CAMTA1: variants seen among roughly 807,000 people sequenced by gnomAD.
CAMTA1 encodes calmodulin binding transcription activator 1.
A neutral mutation model predicts 170.9 loss-of-function variants in CAMTA1; 27 were observed. The ratio of observed to expected loss-of-function variants is 0.16; its 90% CI spans 0.12 to 0.22. The LOEUF is 0.22. Ranked by LOEUF, CAMTA1 falls within the 10% of genes least tolerant of loss-of-function variation. The pLI is 1.00. For synonymous variants in CAMTA1, 833 were observed against 891.5 expected, an observed-to-expected ratio of 0.93 and a Z score of 1.17; for missense variants, 1,619 against 2,217.2, an observed-to-expected ratio of 0.73 and a Z score of 5.42.
chr1:6,972,048 G>A (rs1365268725), intron 3 of CAMTA1, among the ~76,000 whole-genome samples: 2 of 152,168 alleles, frequency 1.3e-5, no homozygotes, highest in African/African-American at 4.8e-5. Flanking sequence ...GGAGGGGCGG[G>A]GGTAGAGTGA....
At chr1:6,834,172 C>A (rs1557658726) in intron 3 of CAMTA1, among the ~76,000 whole-genome samples, 1 of 146,496 alleles carries the variant, frequency 6.8e-6, no homozygotes, top group East Asian at 2.0e-4. Context: ...TTTTTTTTTA[C>A]TGTTAATCAT....
chr1:7,144,197 C>T lies in CAMTA1; in HGVS notation c.302+52826C>T, dbSNP rs375274781. 2.8e-4 allele frequency among the ~76,000 whole-genome samples: 43 copies of T among 152,126 alleles called. 1 individual carries two copies. The East Asian group carries it at 4.2e-3, about 15-fold the overall frequency. On this transcript the variant is annotated intron_variant, in intron 4 of 22. Coordinates refer to ENST00000303635, the MANE Select transcript of CAMTA1 (RefSeq NM_015215.4). This position sits in a 1 kb window ranked among gnomAD's most constrained non-coding sequence, Gnocchi z 4.0. ...GAGGGCTCTCTTTCTGGCTTGTGGA[C>T]GACTGCCTTCTTGCTATGTCCTCAG...
At chr1:7,702,332 AAAAC>A (rs574074910) in intron 11 of CAMTA1, among the ~76,000 whole-genome samples, 32 of 152,250 alleles carry the variant, frequency 2.1e-4, no homozygotes, top group Middle Eastern at 3.4e-3. Flanking sequence ...TGTGTCTGCC[AAAAC>A]AAACAAACAA....
intron 6 of CAMTA1, among the ~76,000 whole-genome samples, chr1:7,631,173 C>G (rs992116403): frequency 6.6e-6 from 1 of 152,168 alleles, no homozygotes; most frequent in East Asian, 1.9e-4. Context: ...TACAGACCAG[C>G]CAGGAGCCTT....
intron 1 of CAMTA1, among the ~76,000 whole-genome samples, chr1:6,804,693 A>G (rs1644309022): frequency 6.6e-6 from 1 of 152,090 alleles, no homozygotes; most frequent in Non-Finnish European, 1.5e-5. Flanking sequence ...ATGTACTGTT[A>G]CTTCATCCCT....
At chr1:7,696,219 C>T (rs1040997938) in intron 11 of CAMTA1, among the ~76,000 whole-genome samples, 6 of 152,178 alleles carry the variant, frequency 3.9e-5, no homozygotes, top group Middle Eastern at 3.4e-3. Context: ...TTTTTTGATA[C>T]GGAGTCTCAC....
In CAMTA1 at chr1:7,270,010, T is replaced by C. The variant is rs187173039; in HGVS notation, c.438+20384T>C. 3.9e-5 allele frequency among the ~76,000 whole-genome samples: 6 copies of C among 152,130 alleles called. No homozygotes were observed. In the East Asian group the frequency reaches 9.6e-4, roughly 24 times the overall value. On this transcript the variant is annotated intron_variant, in intron 5 of 22. Coordinates refer to ENST00000303635, the MANE Select transcript of CAMTA1 (RefSeq NM_015215.4). ...ACCACTGATTTCTCATTACAAACAT[T>C]GCAAGCTGGAAGACAATGCAACATC...
intron 5 of CAMTA1, among the ~76,000 whole-genome samples, chr1:7,313,682 T>C (rs1322873087): frequency 1.3e-5 from 2 of 152,230 alleles, no homozygotes; most frequent in African/African-American, 2.4e-5. Flanking sequence ...AGTCAGAGTT[T>C]GGGTATATTT....
At chr1:7,116,451 C>T (rs1644331973) in intron 4 of CAMTA1, among the ~76,000 whole-genome samples, 1 of 152,124 alleles carries the variant, frequency 6.6e-6, no homozygotes, top group Non-Finnish European at 1.5e-5. Context: ...CCTACAACTT[C>T]TCATTTAGAT....
chr1:7,246,669 G>GTTTTTTT (rs1328801991), intron 4 of CAMTA1, among the ~76,000 whole-genome samples: 1 of 64,302 alleles, frequency 1.6e-5, no homozygotes, highest in African/African-American at 6.3e-5. Flanking sequence ...GCTCTGACCT[G>GTTTTTTT]CTTTTTTTTT....
At chr1:6,786,323 G>A (rs1639345433) in intron 1 of CAMTA1, among the ~76,000 whole-genome samples, 1 of 151,938 alleles carries the variant, frequency 6.6e-6, no homozygotes, top group Admixed American at 6.5e-5. Context: ...TCCTACTCTT[G>A]CCCTTGCACC....
chr1:7,155,119 A>T (rs1257556928), intron 4 of CAMTA1, among the ~76,000 whole-genome samples: 2 of 152,130 alleles, frequency 1.3e-5, no homozygotes, highest in Non-Finnish European at 2.9e-5. Flanking sequence ...ACGGAACAGG[A>T]TGGTGGCAGA....
At chr1:7,744,112 C>G (rs2096839031) in intron 16 of CAMTA1, among the ~76,000 whole-genome samples, 1 of 141,536 alleles carries the variant, frequency 7.1e-6, no homozygotes, top group African/African-American at 2.6e-5. Flanking sequence ...CAGGCGTGAG[C>G]CACTGCGCCT....
chr1:6,825,290 G>A lies in CAMTA1; in HGVS notation c.234+80G>A, dbSNP rs1034513528. 4 of 671,924 alleles carry A rather than the reference G, an allele frequency of 6.0e-6. No individual in the cohort carries two copies. The African/African-American group carries it at 7.3e-5, about 12-fold the overall frequency. The allele number at this position is 671,924 out of a possible 1,614,324, so 41.6% of individuals were successfully genotyped here. A position where few individuals can be genotyped will look rare whatever the true frequency, so the allele number is the denominator to read the frequency against. On this transcript the variant is annotated intron_variant, in intron 3 of 22. Transcript: ENST00000303635. Reference sequence around the variant, plus strand: ...GTTGCTTCACATAGTCCTACTTTATGTTAGCTTTAAATTTAAAATACTGAT... The same window carrying A: ...GTTGCTTCACATAGTCCTACTTTATATTAGCTTTAAATTTAAAATACTGAT...
chr1:7,174,957 C>A (rs959559064), intron 4 of CAMTA1, among the ~76,000 whole-genome samples: 16 of 152,104 alleles, frequency 1.1e-4, no homozygotes, highest in African/African-American at 2.9e-4. Context: ...GATTAGGGAG[C>A]AGTTCTTTTA....
At chr1:6,994,196 T>C (rs574826555) in intron 3 of CAMTA1, among the ~76,000 whole-genome samples, 15 of 152,354 alleles carry the variant, frequency 9.8e-5, no homozygotes, top group African/African-American at 3.6e-4. Context: ...TTTTTTGCTT[T>C]AAACAGCCAC....
Position 7,401,521 on chromosome 1 carries a change from T to TA in CAMTA1, c.439-66298dup, listed in dbSNP as rs112969097. 7.6e-4 allele frequency among the ~76,000 whole-genome samples: 112 copies of TA among 148,290 alleles called. No homozygotes were observed. The Middle Eastern group carries it at 0.011, about 14-fold the overall frequency. The stretch of plus-strand genomic sequence containing the variant: ...AATTTAGAATTAGTTTGTTCACTTC[T>TA]AAAAAAAAAAATCCTTCTGGGAATT... On this transcript the variant is annotated intron_variant, in intron 5 of 22. Transcript: ENST00000303635.
At chr1:7,572,539 G>C (rs897670924) in intron 6 of CAMTA1, among the ~76,000 whole-genome samples, 5 of 152,152 alleles carry the variant, frequency 3.3e-5, no homozygotes, top group South Asian at 2.1e-4. Flanking sequence ...AAGGAGTCCA[G>C]TTTCAGTCTT....
intron 3 of CAMTA1, among the ~76,000 whole-genome samples, chr1:7,006,143 A>G (rs982741520): frequency 6.6e-6 from 1 of 152,212 alleles, no homozygotes; most frequent in Non-Finnish European, 1.5e-5. Flanking sequence ...AGACCTGCCC[A>G]TAGTATTTGG....
Sources: gnomAD v4.1 joint callset for allele counts (sites outside exome capture counted in the v4.1 genomes callset) on GRCh38, gnomAD v4.1.1 for gene constraint, Gnocchi (gnomAD v3.1) non-coding constraint, MANE v1.5 for transcripts, NCBI Gene and HGNC (gene_info 2026-07-23, HGNC 2026-07-21) for gene names.